Variants in ECPAS observed in about 807,000 individuals in gnomAD.
ECPAS encodes Ecm29 proteasome adaptor and scaffold, also known as proteasome adapter and scaffold protein ECM29.
Under a neutral mutation model 255.1 loss-of-function variants are expected in ECPAS, and 70 were observed. The observed-to-expected ratio is 0.27, with a 90% CI of 0.23 to 0.33. The LOEUF (loss-of-function observed/expected upper bound fraction) is 0.33, where lower values mean the gene tolerates loss of function less well. ECPAS is among the 10% of genes least tolerant of loss of function. ECPAS has a pLI of 1.00. For missense variants in ECPAS, 1,817 were observed against 2,206.4 expected, an observed-to-expected ratio of 0.82 and a Z score of 3.54; for synonymous variants, 784 against 775.0, an observed-to-expected ratio of 1.01 and a Z score of -0.19.
chr9:111,462,709 A>C (rs2098274565), intron 2 of ECPAS, among the ~76,000 whole-genome samples: 1 of 151,914 alleles, frequency 6.6e-6, no homozygotes, highest in South Asian at 2.1e-4. Context: ...ATAAGATCTA[A>C]ATTAATGGAG....
chr9:111,400,771 T>G (rs2098174717), intron 24 of ECPAS, among the ~76,000 whole-genome samples: 2 of 152,042 alleles, frequency 1.3e-5, no homozygotes, highest in African/African-American at 4.8e-5. Flanking sequence ...ACTTACAAGA[T>G]CTGGAAAACA....
intron 2 of ECPAS, among the ~76,000 whole-genome samples, chr9:111,464,200 A>AG (rs1304098974): frequency 2.0e-5 from 3 of 150,996 alleles, no homozygotes; most frequent in Non-Finnish European, 4.4e-5. Flanking sequence ...TAGGAGGCTG[A>AG]GGTAGTCAGA....
intron 2 of ECPAS, among the ~76,000 whole-genome samples, chr9:111,454,071 G>A (rs1312969726): frequency 2.0e-5 from 3 of 152,126 alleles, no homozygotes; most frequent in African/African-American, 4.8e-5. Flanking sequence ...GATAAATGCT[G>A]AATGCTGCTG....
chr9:111,362,363 C>T (rs2098114643), intron 49 of ECPAS, among the ~76,000 whole-genome samples, 194 bp from the exon 50 acceptor site: 1 of 151,980 alleles, frequency 6.6e-6, no homozygotes, highest in Admixed American at 6.6e-5. Flanking sequence ...TGTCTCAAAA[C>T]CTAATTCTTG....
rs372178936 is a variant in ECPAS, at chr9:111,426,482, T to C, written c.1051-654A>G. On this transcript the variant is annotated intron_variant, in intron 10 of 49. Coordinates refer to ENST00000684092, the MANE Select transcript of ECPAS (RefSeq NM_001364929.1). ...CTAGTATTGAGTATCTGCTTTATAA[T>C]TGCCACTGTGCTAGGTACTAAGAGA... 1.6e-4 allele frequency among the ~76,000 whole-genome samples: 24 copies of C among 152,108 alleles called. No homozygotes were observed. In the South Asian group the frequency reaches 4.6e-3, roughly 29 times the overall value.
chr9:111,443,349 C>T (rs2098248425), intron 4 of ECPAS, among the ~76,000 whole-genome samples: 1 of 152,188 alleles, frequency 6.6e-6, no homozygotes, highest in Admixed American at 6.5e-5. Context: ...CTCTGAGGTT[C>T]AAGTGATTCC....
At chr9:111,463,500 C>A (rs2098275685) in intron 2 of ECPAS, among the ~76,000 whole-genome samples, 1 of 152,246 alleles carries the variant, frequency 6.6e-6, no homozygotes, top group Non-Finnish European at 1.5e-5. Context: ...ATGAATGGAA[C>A]AGAGTATGAA....
At chr9:111,381,862 TTCTTAAA>T (rs1423233613) in intron 35 of ECPAS, among the ~76,000 whole-genome samples, 1 of 152,178 alleles carries the variant, frequency 6.6e-6, no homozygotes, top group African/African-American at 2.4e-5. Flanking sequence ...TCTACTGCAT[TTCTTAAA>T]TCTTTTTTAA....
At chr9:111,373,882 C>A in intron 39 of ECPAS, 90 bp downstream of exon 39, 1 of 953,410 alleles carries the variant, frequency 1.0e-6, no homozygotes, top group Non-Finnish European at 1.7e-6. Context: ...ACAAGCAGGT[C>A]TGAATGATAA....
At chr9:111,363,965 CA>C (rs2098117177) in intron 48 of ECPAS, among the ~76,000 whole-genome samples, 2 of 152,106 alleles carry the variant, frequency 1.3e-5, no homozygotes, top group South Asian at 4.1e-4. Context: ...ATCTCAAACA[CA>C]AAATCATCTT....
Position 111,411,140 on chromosome 9 carries a change from G to C in ECPAS, c.2217C>G (p.Ser739Arg). 1.2e-6 allele frequency: 2 copies of C among 1,612,998 alleles called. No individual in the cohort carries two copies. The highest frequency in any genetic ancestry group is 1.7e-6 in the Non-Finnish European group (2 of 1,179,546). The change falls in exon 22 of 50, where the codon AGC (serine) becomes AGG (arginine). Residue 739 changes from serine to arginine, a missense_variant and splice_region_variant. Ser to Arg is a moderately radical substitution (Grantham distance 110). Coordinates refer to ENST00000684092, the MANE Select transcript of ECPAS (RefSeq NM_001364929.1). ...GCAAGGATCCATGCTGTATCTCCGG[G>C]CTCTGAATTTAGCAAAAACAATAGC... is the stretch of plus-strand genomic sequence containing the variant. ...QLIKTTKDNH[S>R]PEIQHGSLLA...
rs766191132 is a variant in ECPAS at position 111,392,897 on chromosome 9, G to C, written c.2978-15C>G. ...TTGGCTAAGTTCTACAAGAAAGTCAGACAAGATTGTATCACTTTAAAAAAA... is the reference window on the plus strand; with the variant it reads ...TTGGCTAAGTTCTACAAGAAAGTCACACAAGATTGTATCACTTTAAAAAAA... On this transcript the variant is annotated splice_polypyrimidine_tract_variant and intron_variant, in intron 27 of 49. Transcript: ENST00000684092. The C allele has an allele frequency of 1.3e-6, 2 of 1,574,030 alleles. No individual in the cohort carries two copies. Among genetic ancestry groups the C allele is most frequent in the Non-Finnish European group, 1.7e-6 (2 of 1,156,118 alleles).
At chr9:111,483,549 G>T (rs982847941) in intron 1 of ECPAS, 2 of 958,756 alleles carry the variant, frequency 2.1e-6, no homozygotes, top group Admixed American at 6.4e-5. Context: ...GCCATGTTGC[G>T]CCGGGGAGGG....
intron 31 of ECPAS, among the ~76,000 whole-genome samples, 164 bp downstream of exon 31, chr9:111,389,392 G>A (rs1483153946): frequency 1.3e-5 from 2 of 152,130 alleles, no homozygotes; most frequent in African/African-American, 4.8e-5. Flanking sequence ...ACACATCTTT[G>A]ATACCTTGAA....
At chr9:111,479,839 C>A (rs558285745) in intron 1 of ECPAS, among the ~76,000 whole-genome samples, 47 of 151,832 alleles carry the variant, frequency 3.1e-4, no homozygotes, top group African/African-American at 1.1e-3. Context: ...ATTAGCTGGG[C>A]GCAGTGACAG....
chr9:111,377,364 A>G (rs2098134540), intron 36 of ECPAS, among the ~76,000 whole-genome samples: 1 of 152,246 alleles, frequency 6.6e-6, no homozygotes, highest in African/African-American at 2.4e-5. Context: ...CAGAAGAAAT[A>G]TAAACGACTA....
intron 2 of ECPAS, among the ~76,000 whole-genome samples, chr9:111,468,153 A>C (rs2098281771): frequency 6.6e-6 from 1 of 152,112 alleles, no homozygotes; most frequent in South Asian, 2.1e-4. Flanking sequence ...CAGCCTCAAA[A>C]AACAAAACAA....
chr9:111,429,985 T>A (rs934622103), intron 9 of ECPAS, among the ~76,000 whole-genome samples: 4 of 152,260 alleles, frequency 2.6e-5, no homozygotes, highest in African/African-American at 9.6e-5. Flanking sequence ...GAAGGACCTA[T>A]CTTTTGTTCT....
At chr9:111,416,569 T>A (rs2098203906) in intron 17 of ECPAS, among the ~76,000 whole-genome samples, 1 of 152,250 alleles carries the variant, frequency 6.6e-6, no homozygotes. Flanking sequence ...TTTGTTCTGG[T>A]TTGTTTAAAA....
Sources: allele counts gnomAD v4.1 joint callset (sites outside exome capture counted in the v4.1 genomes callset), GRCh38; gene constraint gnomAD v4.1.1; transcripts MANE v1.5; gene names NCBI Gene and HGNC (gene_info 2026-07-23, HGNC 2026-07-21).